The following SLC20A2 variants were observed in gnomAD, a reference collection of about 807,000 sequenced individuals.
SLC20A2 encodes the protein sodium-dependent phosphate transporter 2.
A neutral mutation model predicts 61.0 loss-of-function variants in SLC20A2; 30 were observed. The observed-to-expected ratio is 0.49, with a 90% CI of 0.37 to 0.67. The LOEUF (loss-of-function observed/expected upper bound fraction) is 0.67, where lower values mean the gene tolerates loss of function less well. Among genes scored for constraint, SLC20A2 ranks in the 30% least tolerant of loss-of-function variants. The probability of loss-of-function intolerance (pLI) is 0.00; values close to 1 mark genes in which losing one functional copy is unlikely to be tolerated. For synonymous variants in SLC20A2, 351 were observed against 353.3 expected, an observed-to-expected ratio of 0.99 and a Z score of 0.07; for missense variants, 626 against 866.4, an observed-to-expected ratio of 0.72 and a Z score of 3.48.
intron 5 of SLC20A2, among the ~76,000 whole-genome samples, chr8:42,448,661 G>C (rs1020660876): frequency 6.6e-6 from 1 of 152,208 alleles, no homozygotes; most frequent in Non-Finnish European, 1.5e-5. Context: ...ATGAGAAACT[G>C]GCAGGGGAAG....
chr8:42,430,536 T>C (rs1324251381), intron 8 of SLC20A2, among the ~76,000 whole-genome samples: 2 of 152,254 alleles, frequency 1.3e-5, no homozygotes, highest in South Asian at 4.1e-4. Flanking sequence ...CTAATTTTTG[T>C]ATTTTTAGTA....
Position 42,465,817 on chromosome 8 carries a change from G to A in SLC20A2, c.390C>T (p.Ile130=), listed in dbSNP as rs767476770. Residue 130 remains isoleucine, a synonymous_variant, in exon 3 of 11, where the codon ATC becomes ATT. Coordinates refer to ENST00000520262, the MANE Select transcript of SLC20A2 (RefSeq NM_001257180.2). ...GSTIGFSLVA[I]GTKGVQWMEL... is the part of the protein sequence containing the mutation. Reference sequence around the variant, plus strand: ...CCATCCACTGCACACCTTTGGTACCGATTGCGACCAGTGAGAATCCTATAG... The same window carrying A: ...CCATCCACTGCACACCTTTGGTACCAATTGCGACCAGTGAGAATCCTATAG... 5.0e-6 allele frequency: 8 copies of A among 1,613,756 alleles called. No individual in the cohort carries two copies. The highest frequency in any genetic ancestry group is 2.2e-5 in the East Asian group (1 of 44,862).
At chr8:42,429,768 G>A (rs1003426594) in intron 9 of SLC20A2, among the ~76,000 whole-genome samples, 1 of 152,134 alleles carries the variant, frequency 6.6e-6, no homozygotes, top group Non-Finnish European at 1.5e-5. Flanking sequence ...TTTGGCCCCC[G>A]TGCTGGCTGA....
chr8:42,438,436 A>G (rs1804515869), intron 7 of SLC20A2, among the ~76,000 whole-genome samples: 1 of 152,080 alleles, frequency 6.6e-6, no homozygotes. Context: ...CCTCCCAAGC[A>G]TCTGGGACTA....
intron 1 of SLC20A2, among the ~76,000 whole-genome samples, chr8:42,514,218 C>A (rs1028532078): frequency 6.6e-6 from 1 of 152,200 alleles, no homozygotes; most frequent in African/African-American, 2.4e-5. Context: ...TGTAGCAATT[C>A]TAACCTGTGG....
chr8:42,450,370 G>T lies in SLC20A2; in HGVS notation c.614-5608C>A, dbSNP rs191150685. Reference sequence around the variant, plus strand: ...AACCTCCCAAGTAGCTGGGATTATAGGCACATGCCACTATGCCCAGCTAAT... The same window carrying T: ...AACCTCCCAAGTAGCTGGGATTATATGCACATGCCACTATGCCCAGCTAAT... On this transcript the variant is annotated intron_variant, in intron 5 of 10. Transcript: ENST00000520262. 3.7e-3 allele frequency among the ~76,000 whole-genome samples: 568 copies of T among 151,946 alleles called. 5 individuals carry two copies. Among genetic ancestry groups the T allele is most frequent in the Middle Eastern group, 0.014 (4 of 292 alleles).
chr8:42,536,883 G>A (rs1812738055), intron 1 of SLC20A2, among the ~76,000 whole-genome samples: 1 of 152,082 alleles, frequency 6.6e-6, no homozygotes, highest in Admixed American at 6.6e-5. Context: ...AGACCAGCCT[G>A]GCCAACATGG....
At chr8:42,445,948 A>G (rs539146560) in intron 5 of SLC20A2, among the ~76,000 whole-genome samples, 1 of 152,274 alleles carries the variant, frequency 6.6e-6, no homozygotes, top group Admixed American at 6.5e-5. Context: ...TCAATTGAGA[A>G]ATAAAAGGAT....
intron 1 of SLC20A2, chr8:42,538,007 A>C (rs1812815568): frequency 6.6e-6 from 1 of 152,142 alleles, no homozygotes; most frequent in East Asian, 1.9e-4. Context: ...TGAGGAAATA[A>C]TTGTACCTAC....
intron 1 of SLC20A2, among the ~76,000 whole-genome samples, chr8:42,475,551 A>C (rs1808014198): frequency 6.6e-6 from 1 of 151,948 alleles, no homozygotes; most frequent in Non-Finnish European, 1.5e-5. Context: ...CTGGGATTAC[A>C]GGCACCCGCC....
At chr8:42,428,347 T>A (rs755262737) in intron 10 of SLC20A2, among the ~76,000 whole-genome samples, 1 of 152,204 alleles carries the variant, frequency 6.6e-6, no homozygotes, top group Non-Finnish European at 1.5e-5. Flanking sequence ...GTCCTACAAT[T>A]CCAGAGATGA....
chr8:42,454,205 T>C (rs554346870), intron 5 of SLC20A2, among the ~76,000 whole-genome samples: 91 of 152,286 alleles, frequency 6.0e-4, no homozygotes, highest in Non-Finnish European at 1.1e-3. Context: ...GGTTTCACCA[T>C]GTTAGCAAGG....
chr8:42,521,454 T>A lies in SLC20A2; in HGVS notation c.-265+20367A>T, dbSNP rs1586260908. On this transcript the variant is annotated intron_variant, in intron 1 of 10. Coordinates refer to the SLC20A2 transcript ENST00000342228. ...CAGTTAGGGGCTTGCTATAAAGGGG[T>A]AGCAAAGGGAAAGCCTTGGGGTGAT... is the stretch of plus-strand genomic sequence containing the variant. Among the ~76,000 whole-genome samples the A allele has an allele frequency of 1.7e-5, 2 of 120,170 alleles. 1 individual carries two copies. The highest frequency in any genetic ancestry group is 6.0e-4 in the South Asian group (2 of 3,322). The allele number at this position is 120,170 out of a possible 152,430, so 78.8% of individuals were successfully genotyped here.
intron 1 of SLC20A2, among the ~76,000 whole-genome samples, chr8:42,481,877 G>A (rs1341351796): frequency 6.6e-6 from 1 of 152,094 alleles, no homozygotes; most frequent in East Asian, 1.9e-4. Context: ...TTCCTGCTCT[G>A]TCCACACTCC....
At chr8:42,540,365 T>C (rs1813019936) in intron 1 of SLC20A2, among the ~76,000 whole-genome samples, 2 of 152,320 alleles carry the variant, frequency 1.3e-5, no homozygotes, top group South Asian at 4.1e-4. Context: ...CGTATTCAAA[T>C]TTTTTTAGAT....
chr8:42,515,146 G>A (rs979460176), intron 1 of SLC20A2, among the ~76,000 whole-genome samples: 1 of 152,156 alleles, frequency 6.6e-6, no homozygotes, highest in African/African-American at 2.4e-5. Context: ...ATTTACAGAC[G>A]TTAAATTAGC....
intron 1 of SLC20A2, among the ~76,000 whole-genome samples, chr8:42,495,554 A>T (rs976744900): frequency 4.0e-5 from 6 of 151,710 alleles, no homozygotes; most frequent in Non-Finnish European, 8.8e-5. Context: ...TTCATGTCTG[A>T]GAGGTCAGTT....
intron 1 of SLC20A2, among the ~76,000 whole-genome samples, chr8:42,513,491 C>T (rs1004854397): frequency 6.6e-6 from 1 of 152,264 alleles, no homozygotes; most frequent in South Asian, 2.1e-4. Context: ...TTTGATCTTG[C>T]CTTTTTATAC....
chr8:42,486,375 T>C (rs1365123436), intron 1 of SLC20A2, among the ~76,000 whole-genome samples: 2 of 152,074 alleles, frequency 1.3e-5, no homozygotes, highest in African/African-American at 4.8e-5. Context: ...GCAAGTTTTT[T>C]TGGTAGAGAT....
Sources: gnomAD v4.1 joint callset for allele counts (sites outside exome capture counted in the v4.1 genomes callset) on GRCh38, gnomAD v4.1.1 for gene constraint, MANE v1.5 for transcripts, NCBI Gene and HGNC (gene_info 2026-07-23, HGNC 2026-07-21) for gene names.